Variants in MYO1B observed in about 807,000 individuals in gnomAD.
The protein encoded by MYO1B is unconventional myosin-Ib.
Under a neutral mutation model 159.7 loss-of-function variants are expected in MYO1B, and 72 were observed. The ratio of observed to expected loss-of-function variants is 0.45; its 90% CI spans 0.37 to 0.55. The LOEUF (loss-of-function observed/expected upper bound fraction) is 0.55, where lower values mean the gene tolerates loss of function less well. MYO1B is among the 20% of genes least tolerant of loss of function. The pLI, the probability that MYO1B is intolerant of heterozygous loss-of-function variation, is 0.00. For missense variants in MYO1B, 1,062 were observed against 1,364.8 expected, an observed-to-expected ratio of 0.78 and a Z score of 3.50; for synonymous variants, 468 against 473.8, an observed-to-expected ratio of 0.99 and a Z score of 0.16.
intron 3 of MYO1B, among the ~76,000 whole-genome samples, chr2:191,296,640 C>T (rs1689001481): frequency 6.6e-6 from 1 of 152,098 alleles, no homozygotes; most frequent in South Asian, 2.1e-4. Context: ...CCAAACAATA[C>T]CTTCAGTTTG....
intron 3 of MYO1B, among the ~76,000 whole-genome samples, chr2:191,315,968 C>G (rs1334593475): frequency 6.6e-6 from 1 of 152,170 alleles, no homozygotes; most frequent in Non-Finnish European, 1.5e-5. Flanking sequence ...TAGTATACAT[C>G]TAGGGATGAG....
Position 191,329,926 on chromosome 2 carries a change from C to T in MYO1B, c.252-9C>T, listed in dbSNP as rs778186841. ...AGTCTAAGGAATTTTTTTCCATTAT[C>T]CCCTGCAGCTTTGCCCTTTCGGATG... On this transcript the variant is annotated splice_polypyrimidine_tract_variant and intron_variant, in intron 3 of 30. Coordinates refer to ENST00000392318, the MANE Select transcript of MYO1B (RefSeq NM_001130158.3). 2 of 1,605,786 alleles carry T rather than the reference C, an allele frequency of 1.2e-6. No homozygotes were observed. The highest frequency in any genetic ancestry group is 2.2e-5 in the East Asian group (1 of 44,506).
chr2:191,401,303 CAG>C (rs1696602009), intron 23 of MYO1B, among the ~76,000 whole-genome samples: 1 of 151,972 alleles, frequency 6.6e-6, no homozygotes, highest in African/African-American at 2.4e-5. Context: ...TTTTTAGGCT[CAG>C]TGTGGCAGCT....
intron 3 of MYO1B, among the ~76,000 whole-genome samples, chr2:191,325,177 C>T (rs4516458): frequency 0.31 from 47,201 of 151,898 alleles, 7,892 homozygotes; most frequent in South Asian, 0.49. Context: ...AGTTTAGAAA[C>T]ACCCAGTTTT....
chr2:191,378,729 T>G (rs1694864395), intron 13 of MYO1B, among the ~76,000 whole-genome samples: 2 of 151,988 alleles, frequency 1.3e-5, no homozygotes, highest in South Asian at 4.2e-4. Flanking sequence ...GCGAAAATTT[T>G]GGGGGGTGGT....
At chr2:191,395,730 G>A (rs901072855) in intron 20 of MYO1B, among the ~76,000 whole-genome samples, 1 of 152,182 alleles carries the variant, frequency 6.6e-6, no homozygotes, top group South Asian at 2.1e-4. Flanking sequence ...TCCCCACCTG[G>A]AAGTAACCTC....
At chr2:191,364,951 G>A (rs1346580447) in intron 11 of MYO1B, among the ~76,000 whole-genome samples, 1 of 150,438 alleles carries the variant, frequency 6.6e-6, no homozygotes, top group Non-Finnish European at 1.5e-5. Flanking sequence ...GGAGAAGACA[G>A]TGGGAGAAGC....
intron 3 of MYO1B, among the ~76,000 whole-genome samples, chr2:191,312,027 G>A (rs1336113105): frequency 6.6e-6 from 1 of 152,070 alleles, no homozygotes; most frequent in Non-Finnish European, 1.5e-5. Context: ...TGTCTTACAG[G>A]CATAGCTTAG....
chr2:191,280,120 A>G (rs1475156703), intron 2 of MYO1B, among the ~76,000 whole-genome samples: 1 of 152,172 alleles, frequency 6.6e-6, no homozygotes, highest in Non-Finnish European at 1.5e-5. Flanking sequence ...GCCCCTGGGT[A>G]TGAGTTACGA....
chr2:191,318,748 A>G (rs1690516333), intron 3 of MYO1B, among the ~76,000 whole-genome samples: 4 of 152,364 alleles, frequency 2.6e-5, no homozygotes, highest in South Asian at 2.1e-4. Context: ...ATGTATTGAC[A>G]TGACTTAAAA....
chr2:191,419,619 G>A (rs1439855990), intron 30 of MYO1B, among the ~76,000 whole-genome samples: 8 of 152,136 alleles, frequency 5.3e-5, no homozygotes, highest in Non-Finnish European at 5.9e-5. Flanking sequence ...TATTTCAGAA[G>A]GCATTGTTAT....
intron 3 of MYO1B, among the ~76,000 whole-genome samples, chr2:191,322,270 C>T (rs1412562493): frequency 2.6e-5 from 4 of 152,120 alleles, no homozygotes; most frequent in East Asian, 1.9e-4. Context: ...TTCCAAAGAG[C>T]GGCTTCCAGG....
In MYO1B at chr2:191,344,284, G is replaced by A. The variant is rs191786850; in HGVS notation, c.452-1952G>A. ...CATTATCAAGGTTACATTCATGAAAGCCTTTTAACTGGTGGTGGACATGAG... is the reference window on the plus strand; with the variant it reads ...CATTATCAAGGTTACATTCATGAAAACCTTTTAACTGGTGGTGGACATGAG... On this transcript the variant is annotated intron_variant, in intron 5 of 30. Transcript: ENST00000392318. Among the ~76,000 whole-genome samples the A allele has an allele frequency of 3.9e-5, 6 of 152,298 alleles. No individual in the cohort carries two copies. In the East Asian group the frequency reaches 1.2e-3, roughly 29 times the overall value.
At chr2:191,326,768 ATATGTGTGTGTG>A (rs1239584145) in intron 3 of MYO1B, among the ~76,000 whole-genome samples, 3 of 109,122 alleles carry the variant, frequency 2.7e-5, no homozygotes, top group East Asian at 3.2e-4. Context: ...GTGTTTGTAT[ATATGTGTGTGTG>A]TGTGTGTGTG....
chr2:191,337,348 G>T (rs1023025527), intron 4 of MYO1B, among the ~76,000 whole-genome samples: 1 of 152,128 alleles, frequency 6.6e-6, no homozygotes, highest in Non-Finnish European at 1.5e-5. Flanking sequence ...ACAGTGCAAG[G>T]TGTCAGAGAA....
intron 6 of MYO1B, among the ~76,000 whole-genome samples, chr2:191,347,470 C>A (rs945739672): frequency 5.3e-5 from 8 of 152,256 alleles, no homozygotes; most frequent in African/African-American, 1.9e-4. Flanking sequence ...TTTATTTTTG[C>A]TGTTTGCAAA....
intron 15 of MYO1B, among the ~76,000 whole-genome samples, chr2:191,385,015 AG>A (rs1421831985): frequency 2.0e-5 from 3 of 152,182 alleles, no homozygotes; most frequent in Non-Finnish European, 2.9e-5. Flanking sequence ...TGTTAGCAGA[AG>A]GGGAGAGGAA....
intron 2 of MYO1B, among the ~76,000 whole-genome samples, chr2:191,295,142 C>T (rs1309648791): frequency 1.3e-5 from 2 of 152,032 alleles, no homozygotes; most frequent in African/African-American, 4.8e-5. Context: ...TAGTTTATCA[C>T]TTTACCACTT....
chr2:191,392,255 G>A, intron 19 of MYO1B, 54 bp downstream of exon 19: 1 of 1,343,498 alleles, frequency 7.4e-7, no homozygotes. Flanking sequence ...GTATAGGAAA[G>A]TTCTTAAAAT....
Sources: allele counts gnomAD v4.1 joint callset (sites outside exome capture counted in the v4.1 genomes callset), GRCh38; gene constraint gnomAD v4.1.1; transcripts MANE v1.5; gene names NCBI Gene and HGNC (gene_info 2026-07-23, HGNC 2026-07-21).